The following PAAF1 variants were observed in gnomAD, a reference collection of about 807,000 sequenced individuals.
The protein encoded by PAAF1 is proteasomal ATPase associated factor 1.
Under a neutral mutation model 52.8 loss-of-function variants are expected in PAAF1, and 46 were observed. The ratio of observed to expected loss-of-function variants is 0.87; its 90% CI spans 0.69 to 1.11. The LOEUF is 1.11. Among genes scored for constraint, PAAF1 ranks in the 50% most tolerant of loss-of-function variants. PAAF1 has a pLI of 0.00. For missense variants in PAAF1, 424 were observed against 477.4 expected, an observed-to-expected ratio of 0.89 and a Z score of 1.04; for synonymous variants, 178 against 172.8, an observed-to-expected ratio of 1.03 and a Z score of -0.24.
At chr11:73,902,990 G>A (rs1173341482) in intron 6 of PAAF1, among the ~76,000 whole-genome samples, 3 of 152,222 alleles carry the variant, frequency 2.0e-5, no homozygotes, top group Non-Finnish European at 2.9e-5. Context: ...GAGCCACTGC[G>A]CCCGGCCTAG....
chr11:73,886,857 T>G (rs1949074613), intron 2 of PAAF1: 1 of 316,484 alleles, frequency 3.2e-6, no homozygotes, highest in African/African-American at 2.2e-5. Context: ...GGCAGACCCC[T>G]CATGAATAGA....
At chr11:73,909,228 G>A (rs1225206149) in intron 6 of PAAF1, among the ~76,000 whole-genome samples, 171 bp from the exon 7 acceptor site, 1 of 152,130 alleles carries the variant, frequency 6.6e-6, no homozygotes, top group Non-Finnish European at 1.5e-5. Flanking sequence ...TGATTCATTG[G>A]GAAGCTGGGA....
At chr11:73,897,166 G>A (rs1435155023) in intron 4 of PAAF1, among the ~76,000 whole-genome samples, 13 of 142,720 alleles carry the variant, frequency 9.1e-5, no homozygotes, top group African/African-American at 2.9e-4. Context: ...CGGACGGGGC[G>A]GCTGGCCGTG....
At chr11:73,894,171 T>G (rs966895626) in intron 4 of PAAF1, among the ~76,000 whole-genome samples, 3 of 152,188 alleles carry the variant, frequency 2.0e-5, no homozygotes, top group African/African-American at 4.8e-5. Context: ...TTGGGAGAGT[T>G]GGGAATGCCG....
At chr11:73,914,030 C>A (rs1487408737) in intron 7 of PAAF1, among the ~76,000 whole-genome samples, 1 of 152,096 alleles carries the variant, frequency 6.6e-6, no homozygotes, top group Non-Finnish European at 1.5e-5. Context: ...CCCTGCACTC[C>A]AGCCTGGACA....
In PAAF1 at chr11:73,896,024, A is replaced by G. The variant is rs561050971; in HGVS notation, c.283-3122A>G. ...ATTGGGAAGCTCAGGCAGGAGGATC[A>G]CTTGTTCCTGAGAGGCTAAGGCTGT... On this transcript the variant is annotated intron_variant, in intron 4 of 11. Coordinates refer to ENST00000310571, the MANE Select transcript of PAAF1 (RefSeq NM_025155.3). Among the ~76,000 whole-genome samples the G allele has an allele frequency of 5.9e-5, 9 of 152,320 alleles. No individual in the cohort carries two copies. In the South Asian group the frequency reaches 1.9e-3, roughly 32 times the overall value.
At position 73,921,614 on chromosome 11, in the gene PAAF1, T is replaced by C. The variant is rs1320974406; in HGVS notation, c.1018+2582T>C. 4 of 662,786 alleles carry C rather than the reference T, an allele frequency of 6.0e-6. No homozygotes were observed. The African/African-American group carries it at 7.2e-5, about 12-fold the overall frequency. 41.1% of individuals were successfully genotyped at this position (662,786 alleles called of 1,614,324 possible). A position where few individuals can be genotyped will look rare whatever the true frequency, so the allele number is the denominator to read the frequency against. On this transcript the variant is annotated intron_variant, in intron 10 of 11. Transcript: ENST00000310571. ...AAGATTCGTATATCTTGCTGGAAAA[T>C]GCTGCCCAGGGCTCTGGAGATGGTG...
chr11:73,903,488 G>A (rs962333624), intron 6 of PAAF1, among the ~76,000 whole-genome samples: 9 of 152,000 alleles, frequency 5.9e-5, no homozygotes, highest in Admixed American at 3.9e-4. Context: ...AGGCCGAGGC[G>A]GGTGGATCAT....
intron 10 of PAAF1, among the ~76,000 whole-genome samples, chr11:73,922,492 T>C (rs1412867825): frequency 1.3e-5 from 2 of 152,112 alleles, no homozygotes; most frequent in Non-Finnish European, 2.9e-5. Flanking sequence ...CGCTCTGCCA[T>C]GTGCTGTAGA....
chr11:73,921,021 T>C (rs1286480863), intron 10 of PAAF1, among the ~76,000 whole-genome samples: 1 of 152,074 alleles, frequency 6.6e-6, no homozygotes, highest in Admixed American at 6.6e-5. Flanking sequence ...CATCTCTGGC[T>C]GGGTGCAGTG....
intron 7 of PAAF1, among the ~76,000 whole-genome samples, chr11:73,910,367 A>C (rs1369088029): frequency 6.6e-6 from 1 of 152,188 alleles, no homozygotes; most frequent in Non-Finnish European, 1.5e-5. Context: ...AATTGTAAGG[A>C]TAGGACAATG....
In PAAF1 at chr11:73,927,043, C is replaced by T. The variant is rs76761901; in HGVS notation, c.1102-242C>T. Among the ~76,000 whole-genome samples the T allele has an allele frequency of 9.6e-3, 1,455 of 152,270 alleles. 19 individuals carry two copies. Among genetic ancestry groups the T allele is most frequent in the African/African-American group, 0.031 (1,303 of 41,538 alleles). On this transcript the variant is annotated intron_variant, in intron 11 of 11. Transcript: ENST00000310571. Reference sequence around the variant, plus strand: ...GAACAATACTAATGGGTTTGCTTTCCACTTGGGCCAATTAGTTTCTCTGTT... The same window carrying T: ...GAACAATACTAATGGGTTTGCTTTCTACTTGGGCCAATTAGTTTCTCTGTT...
chr11:73,876,927 T>C, upstream of PAAF1: 1 of 1,209,330 alleles, frequency 8.3e-7, no homozygotes, highest in Non-Finnish European at 1.1e-6. Context: ...GGTGGCCTCT[T>C]GGTGTTGAGC....
intron 6 of PAAF1, among the ~76,000 whole-genome samples, chr11:73,908,147 T>C (rs1339494771): frequency 6.6e-6 from 1 of 151,944 alleles, no homozygotes; most frequent in African/African-American, 2.4e-5. Flanking sequence ...AGTCATGTCC[T>C]TTTTTCAAAT....
At chr11:73,882,117 G>C (rs1304593703) in intron 2 of PAAF1, among the ~76,000 whole-genome samples, 1 of 151,856 alleles carries the variant, frequency 6.6e-6, no homozygotes, top group Non-Finnish European at 1.5e-5. Context: ...CCAACCTCAG[G>C]TGACCCGCCT....
At chr11:73,888,792 C>T in intron 3 of PAAF1, 3 of 324,920 alleles carry the variant, frequency 9.2e-6, no homozygotes, top group Non-Finnish European at 1.7e-5. Context: ...CACTTATTAG[C>T]TGTGTGATTT....
At chr11:73,888,998 A>T in intron 3 of PAAF1, 4 of 500,738 alleles carry the variant, frequency 8.0e-6, no homozygotes, top group Non-Finnish European at 1.4e-5. Context: ...TTTGCAGATA[A>T]GCAAACCAAC....
chr11:73,891,300 T>C lies in PAAF1; in HGVS notation c.282+99T>C, dbSNP rs1341313005. On this transcript the variant is annotated intron_variant, in intron 4 of 11. Transcript: ENST00000310571. ...TATAAACATATTCATAATTAATATG[T>C]CTTTCATTTACTTTGCATTGTAAGA... 8 of 693,290 alleles carry C rather than the reference T, an allele frequency of 1.2e-5. No homozygotes were observed. In the East Asian group the frequency reaches 2.0e-4, roughly 17 times the overall value. The allele number at this position is 693,290 out of a possible 1,614,324, so 42.9% of individuals were successfully genotyped here. A position where few individuals can be genotyped will look rare whatever the true frequency, so the allele number is the denominator to read the frequency against.
chr11:73,899,953 C>T (rs1258814934), intron 5 of PAAF1, among the ~76,000 whole-genome samples: 1 of 152,090 alleles, frequency 6.6e-6, no homozygotes, highest in East Asian at 1.9e-4. Flanking sequence ...CCCAAGCCAC[C>T]TCAGCTCTTT....
Sources: allele counts gnomAD v4.1 joint callset (sites outside exome capture counted in the v4.1 genomes callset), GRCh38; gene constraint gnomAD v4.1.1; transcripts MANE v1.5; gene names NCBI Gene and HGNC (gene_info 2026-07-23, HGNC 2026-07-21).